The following GAB1 variants were observed in gnomAD, a reference collection of about 807,000 sequenced individuals.
The protein encoded by GAB1 is GRB2 associated binding protein 1.
GAB1 carries 19 observed loss-of-function variants against 66.5 expected under a neutral mutation model. That is an observed-to-expected ratio of 0.29 (90% CI 0.20 to 0.42). The LOEUF (loss-of-function observed/expected upper bound fraction) is 0.42. GAB1 is among the 10% of genes least tolerant of loss of function. The probability of loss-of-function intolerance (pLI) is 1.00; values close to 1 mark genes in which losing one functional copy is unlikely to be tolerated. For synonymous variants in GAB1, 294 were observed against 301.4 expected, an observed-to-expected ratio of 0.98 and a Z score of 0.25; for missense variants, 732 against 858.5, an observed-to-expected ratio of 0.85 and a Z score of 1.84.
At chr4:143,362,463 G>A (rs1164820920) in intron 1 of GAB1, among the ~76,000 whole-genome samples, 7 of 152,076 alleles carry the variant, frequency 4.6e-5, no homozygotes, top group Non-Finnish European at 1.5e-5. Context: ...GCTGCTGGTT[G>A]GCTATTTTTA....
intron 1 of GAB1, among the ~76,000 whole-genome samples, chr4:143,355,666 G>T (rs997787967): frequency 4.0e-5 from 6 of 151,770 alleles, no homozygotes; most frequent in African/African-American, 1.5e-4. Flanking sequence ...AATTATGTGG[G>T]ATTTGCTCAC....
At position 143,440,159 on chromosome 4, in the gene GAB1, A is replaced by AC; in HGVS notation, c.1364dup (p.Pro456ThrfsTer26). ...ATTACGTCCCAATGAATCCCAATTCACCACCACGACAACATTCCAGCAGTT... is the reference window on the plus strand; with the variant it reads ...ATTACGTCCCAATGAATCCCAATTCACCCACCACGACAACATTCCAGCAGTT... On this transcript the variant is annotated frameshift_variant, in exon 6 of 10. Transcript: ENST00000262994. LOFTEE classifies it high-confidence loss of function. 1 of 1,614,194 alleles carries AC rather than the reference A, an allele frequency of 6.2e-7. No homozygotes were observed. Among genetic ancestry groups the AC allele is most frequent in the Non-Finnish European group, 8.5e-7 (1 of 1,180,008 alleles).
chr4:143,352,510 G>A (rs974617523), intron 1 of GAB1, among the ~76,000 whole-genome samples: 8 of 152,132 alleles, frequency 5.3e-5, no homozygotes, highest in Admixed American at 1.3e-4. Context: ...TCATTTGGTT[G>A]GGAAAAAACA....
In GAB1 at chr4:143,433,555, A is replaced by C. The variant is rs1733786975; in HGVS notation, c.432A>C (p.Thr144=). ...APADLPLAIN[T]APPSTQADSS... Reference sequence around the variant, plus strand: ...CTGATTTACCTTTAGCTATAAATACAGCACCACCATCCACCCAGGCAGATT... The same window carrying C: ...CTGATTTACCTTTAGCTATAAATACCGCACCACCATCCACCCAGGCAGATT... The change falls in exon 3 of 10, where the codon ACA becomes ACC. Residue 144 remains threonine, a synonymous_variant. Transcript: ENST00000262994. 6.2e-7 allele frequency: 1 copy of C among 1,614,036 alleles called. No individual in the cohort carries two copies. The highest frequency in any genetic ancestry group is 8.5e-7 in the Non-Finnish European group (1 of 1,179,920).
intron 1 of GAB1, chr4:143,395,791 A>G (rs563442171): frequency 1.2e-5 from 5 of 425,590 alleles, no homozygotes; most frequent in Non-Finnish European, 2.4e-5. Context: ...CTTTTAAAGC[A>G]TATCCCTCCA....
At chr4:143,447,172 G>C (rs1207221220) in intron 6 of GAB1, among the ~76,000 whole-genome samples, 2 of 152,190 alleles carry the variant, frequency 1.3e-5, no homozygotes, top group African/African-American at 2.4e-5. Flanking sequence ...TTTGGTACCA[G>C]TACCATGCTG....
intron 1 of GAB1, among the ~76,000 whole-genome samples, chr4:143,373,883 ATATTTT>A (rs1560726024): frequency 2.2e-5 from 3 of 136,048 alleles, no homozygotes; most frequent in Non-Finnish European, 3.1e-5. Flanking sequence ...ATATATATAT[ATATTTT>A]TACCTTTCTA....
At chr4:143,364,613 G>A (rs1336955376) in intron 1 of GAB1, among the ~76,000 whole-genome samples, 1 of 152,200 alleles carries the variant, frequency 6.6e-6, no homozygotes, top group Middle Eastern at 3.4e-3. Context: ...TCAGCAGAAC[G>A]GCTTTTTCCT....
In GAB1 at chr4:143,473,366, T is replaced by A. The variant is rs551889210; in HGVS notation, c.*4177T>A. ...TTGTGAACTGATAAGGACATATAAA[T>A]TTATATTTCCAGCCCTTCCTTAGAG... On this transcript the variant is annotated 3_prime_UTR_variant, in exon 10 of 10. Coordinates refer to ENST00000262994, the MANE Select transcript of GAB1 (RefSeq NM_002039.4). 6.6e-6 allele frequency: 1 copy of A among 152,190 alleles called. No individual in the cohort carries two copies. The highest frequency in any genetic ancestry group is 1.5e-5 in the Non-Finnish European group (1 of 68,036). The allele number at this position is 152,190 out of a possible 1,614,324, so 9.4% of individuals were successfully genotyped here. A position where few individuals can be genotyped will look rare whatever the true frequency, so the allele number is the denominator to read the frequency against.
intron 6 of GAB1, among the ~76,000 whole-genome samples, chr4:143,450,525 C>T (rs1734863502): frequency 6.6e-6 from 1 of 152,116 alleles, no homozygotes; most frequent in Non-Finnish European, 1.5e-5. Flanking sequence ...CACATGACTG[C>T]CTTGACTGTA....
chr4:143,387,370 A>AG (rs1730968393), intron 1 of GAB1, among the ~76,000 whole-genome samples: 5 of 152,298 alleles, frequency 3.3e-5, no homozygotes, highest in Non-Finnish European at 5.9e-5. Flanking sequence ...ACCTCAGGTG[A>AG]TCCACCTGCC....
rs1736062882 is a variant in GAB1, at chr4:143,471,157, A to G, written c.*1968A>G. 1 of 152,212 alleles carries G rather than the reference A, an allele frequency of 6.6e-6. No homozygotes were observed. The highest frequency in any genetic ancestry group is 6.5e-5 in the Admixed American group (1 of 15,276). The allele number at this position is 152,212 out of a possible 1,614,324, so 9.4% of individuals were successfully genotyped here. The stretch of plus-strand genomic sequence containing the variant: ...TAATAAATACATGATTAATTCAAAA[A>G]TAAAAATCTTTACAGCTGCCTATCA... On this transcript the variant is annotated 3_prime_UTR_variant, in exon 10 of 10. Transcript: ENST00000262994.
At chr4:143,403,628 A>T (rs1578661213) in intron 1 of GAB1, among the ~76,000 whole-genome samples, 1 of 152,318 alleles carries the variant, frequency 6.6e-6, no homozygotes, top group Admixed American at 6.5e-5. Flanking sequence ...CCTCATGGGG[A>T]AAGAGGAAGA....
At chr4:143,339,510 C>T in intron 1 of GAB1, among the ~76,000 whole-genome samples, 1 of 152,168 alleles carries the variant, frequency 6.6e-6, no homozygotes, top group Admixed American at 6.5e-5. Context: ...GACTCCGTCT[C>T]AAAAATAGCA....
intron 2 of GAB1, among the ~76,000 whole-genome samples, chr4:143,419,347 T>A (rs1315391339): frequency 6.6e-6 from 1 of 152,080 alleles, no homozygotes; most frequent in Non-Finnish European, 1.5e-5. Context: ...TACTACTGAT[T>A]CATAAGCGCT....
intron 6 of GAB1, among the ~76,000 whole-genome samples, chr4:143,442,002 G>C (rs1734270794): frequency 6.6e-6 from 1 of 151,030 alleles, no homozygotes; most frequent in Admixed American, 6.6e-5. Flanking sequence ...GAAAGGATGT[G>C]AGCATCAGAG....
chr4:143,440,200 A>G lies in GAB1; in HGVS notation c.1403A>G (p.Gln468Arg), dbSNP rs1734150971. The G allele has an allele frequency of 6.2e-7, 1 of 1,614,078 alleles. No individual in the cohort carries two copies. The highest frequency in any genetic ancestry group is 1.3e-5 in the African/African-American group (1 of 74,938). Residue 468 changes from glutamine to arginine, a missense_variant, in exon 6 of 10, where the codon CAG becomes CGG. By Grantham distance (43) the Gln-to-Arg change is conservative. This residue lies in a region of GAB1 where 427 missense variants were observed against 420.6 expected (regional missense o/e 1.02). Coordinates refer to ENST00000262994, the MANE Select transcript of GAB1 (RefSeq NM_002039.4). ...QHSSSFTEPI[Q>R]EANYVPMTPG... ...TCCAGCAGTTTTACAGAACCAATTC[A>G]GGAAGCAAATTATGTGCCAATGACT...
At chr4:143,468,460 A>C (rs1735914931) in intron 9 of GAB1, among the ~76,000 whole-genome samples, 1 of 151,022 alleles carries the variant, frequency 6.6e-6, no homozygotes, top group South Asian at 2.1e-4. Context: ...TGATCCACCC[A>C]TCTTGGCTTC....
At chr4:143,401,625 A>G (rs1047524780) in intron 1 of GAB1, among the ~76,000 whole-genome samples, 1 of 152,200 alleles carries the variant, frequency 6.6e-6, no homozygotes, top group Non-Finnish European at 1.5e-5. Context: ...TAATTCTAGC[A>G]TGGTAAGCAA....
Sources: allele counts gnomAD v4.1 joint callset (sites outside exome capture counted in the v4.1 genomes callset), GRCh38; gene constraint gnomAD v4.1.1; regional missense constraint gnomAD v4.1.1; transcripts MANE v1.5; gene names NCBI Gene and HGNC (gene_info 2026-07-23, HGNC 2026-07-21).